Variants in SND1 observed in about 807,000 individuals in gnomAD.
SND1 encodes the protein staphylococcal nuclease domain-containing protein 1.
A neutral mutation model predicts 121.7 loss-of-function variants in SND1; 38 were observed. That is an observed-to-expected ratio of 0.31 (90% CI 0.24 to 0.41). The LOEUF is 0.41. Among genes scored for constraint, SND1 ranks in the 10% least tolerant of loss-of-function variants. SND1 has a pLI of 1.00. For synonymous variants in SND1, 401 were observed against 447.4 expected, an observed-to-expected ratio of 0.90 and a Z score of 1.31; for missense variants, 868 against 1,184.6, an observed-to-expected ratio of 0.73 and a Z score of 3.92.
intron 10 of SND1, among the ~76,000 whole-genome samples, chr7:127,799,559 G>T (rs1169288943): frequency 6.6e-6 from 1 of 152,102 alleles, no homozygotes; most frequent in Non-Finnish European, 1.5e-5. Context: ...AACACTTAAG[G>T]GAGGTAGTTA....
intron 9 of SND1, 135 bp from the exon 10 acceptor site, chr7:127,721,152 C>A (rs745604303): frequency 1.3e-4 from 69 of 526,628 alleles, no homozygotes; most frequent in Non-Finnish European, 2.1e-4. Flanking sequence ...ATTGTTGCAC[C>A]ATGAAGGATG....
At chr7:127,799,617 G>A (rs919390069) in intron 10 of SND1, among the ~76,000 whole-genome samples, 2 of 152,262 alleles carry the variant, frequency 1.3e-5, no homozygotes, top group Admixed American at 6.5e-5. Flanking sequence ...ATTTTATCAC[G>A]TAGATTCCAG....
intron 16 of SND1, among the ~76,000 whole-genome samples, chr7:128,032,636 C>T (rs1337673965): frequency 6.6e-6 from 1 of 152,046 alleles, no homozygotes; most frequent in East Asian, 1.9e-4. Context: ...GCCTCTCGCC[C>T]GGCCCGCGTC....
chr7:127,759,717 G>T (rs1797267320), intron 10 of SND1, among the ~76,000 whole-genome samples: 1 of 152,064 alleles, frequency 6.6e-6, no homozygotes, highest in African/African-American at 2.4e-5. Context: ...ATGTATTTCT[G>T]TAACTCCATA....
intron 1 of SND1, among the ~76,000 whole-genome samples, chr7:127,672,669 G>A (rs139505746): frequency 4.0e-5 from 6 of 151,260 alleles, no homozygotes; most frequent in African/African-American, 7.3e-5. Context: ...CCATCCAACC[G>A]GCAAACTCCC....
chr7:128,071,117 G>A (rs949051886), intron 16 of SND1, among the ~76,000 whole-genome samples: 11 of 152,184 alleles, frequency 7.2e-5, no homozygotes, highest in Admixed American at 6.5e-4. Flanking sequence ...GCTGTCTAGT[G>A]TTCCTGAGTG....
rs955146726 is a variant in SND1 at position 128,081,778 on chromosome 7, T to A, written c.2110+277T>A. The A allele has an allele frequency of 4.9e-6, 3 of 618,452 alleles. No homozygotes were observed. In the African/African-American group the frequency reaches 5.5e-5, roughly 11 times the overall value. 38.3% of individuals were successfully genotyped at this position (618,452 alleles called of 1,614,324 possible). ...TCTGGACGCAGGTGAGATAACCAGG[T>A]TTATCTGGGTGGAGCTCTGAGTCTC... On this transcript the variant is annotated intron_variant, in intron 18 of 23. Transcript: ENST00000354725.
chr7:128,085,895 G>A lies in SND1; in HGVS notation c.2304+115G>A. On this transcript the variant is annotated intron_variant, in intron 20 of 23. Coordinates refer to ENST00000354725, the MANE Select transcript of SND1 (RefSeq NM_014390.4). The surrounding 1 kb of genome is among the most constrained non-coding windows in gnomAD (Gnocchi z 4.4). The stretch of plus-strand genomic sequence containing the variant: ...GCTTACCAATAGAACAATGAGCATT[G>A]GGGCATCTCTGCTGTGCGTGTAACA... 1.1e-6 allele frequency: 1 copy of A among 906,820 alleles called. No homozygotes were observed. The highest frequency in any genetic ancestry group is 1.9e-5 in the Admixed American group (1 of 51,764). 56.2% of individuals were successfully genotyped at this position (906,820 alleles called of 1,614,324 possible). A position where few individuals can be genotyped will look rare whatever the true frequency, so the allele number is the denominator to read the frequency against.
intron 1 of SND1, among the ~76,000 whole-genome samples, chr7:127,655,845 T>C (rs558144353): frequency 2.0e-5 from 3 of 152,196 alleles, no homozygotes; most frequent in African/African-American, 4.8e-5. Context: ...TGGGTATGTT[T>C]ACATGTCTTG....
At chr7:127,719,037 A>G (rs1796443337) in intron 9 of SND1, among the ~76,000 whole-genome samples, 3 of 152,264 alleles carry the variant, frequency 2.0e-5, no homozygotes, top group South Asian at 2.1e-4. Flanking sequence ...GATTTGCTAT[A>G]GTAGCTATTT....
At chr7:127,772,923 T>A (rs1797542635) in intron 10 of SND1, among the ~76,000 whole-genome samples, 1 of 152,254 alleles carries the variant, frequency 6.6e-6, no homozygotes, top group Admixed American at 6.5e-5. Flanking sequence ...TATATTTCAC[T>A]TTCTAATAAT....
chr7:127,869,099 C>T (rs1042985720), intron 12 of SND1, among the ~76,000 whole-genome samples: 3 of 151,922 alleles, frequency 2.0e-5, no homozygotes, highest in Admixed American at 6.6e-5. Flanking sequence ...TCCAGGGTTA[C>T]GAGGGGGAAA....
intron 11 of SND1, among the ~76,000 whole-genome samples, chr7:127,825,204 G>T (rs569053934): frequency 6.6e-6 from 1 of 152,018 alleles, no homozygotes; most frequent in African/African-American, 2.4e-5. Flanking sequence ...TCCGCCTCCC[G>T]GGTTCAAGTG....
chr7:127,778,201 A>ATTTT (rs1797655126), intron 10 of SND1, among the ~76,000 whole-genome samples: 1 of 151,074 alleles, frequency 6.6e-6, no homozygotes, highest in African/African-American at 2.4e-5. Flanking sequence ...TTATTTATTT[A>ATTTT]TTTATTTATT....
intron 12 of SND1, among the ~76,000 whole-genome samples, chr7:127,885,852 G>C (rs759887437): frequency 4.6e-5 from 7 of 151,932 alleles, no homozygotes; most frequent in Non-Finnish European, 8.8e-5. Flanking sequence ...TTGTTTTCTT[G>C]GCATTTAAAA....
chr7:128,069,605 C>T (rs1360899055), intron 16 of SND1, among the ~76,000 whole-genome samples: 1 of 152,162 alleles, frequency 6.6e-6, no homozygotes. Context: ...AGAATGAAGA[C>T]ATTTAGAAAT....
chr7:127,686,801 A>C, intron 2 of SND1, 39 bp downstream of exon 2: 1 of 1,592,320 alleles, frequency 6.3e-7, no homozygotes, highest in Non-Finnish European at 8.6e-7. Flanking sequence ...CTGTGGACCT[A>C]GGTAATAGCC....
chr7:127,796,890 C>CTTTTTT (rs36078891), intron 10 of SND1, among the ~76,000 whole-genome samples: 20 of 102,080 alleles, frequency 2.0e-4, no homozygotes, highest in East Asian at 3.3e-4. Context: ...TTTCCTGAGT[C>CTTTTTT]TTTTTTTTTT....
intron 13 of SND1, among the ~76,000 whole-genome samples, chr7:127,889,626 AT>A (rs71522260): frequency 0.25 from 36,621 of 147,626 alleles, 4,750 homozygotes; most frequent in Middle Eastern, 0.33. Context: ...CTTTCAAGCT[AT>A]TTTTTTTTTT....
Sources: allele counts gnomAD v4.1 joint callset (sites outside exome capture counted in the v4.1 genomes callset), GRCh38; gene constraint gnomAD v4.1.1; non-coding constraint Gnocchi (gnomAD v3.1); transcripts MANE v1.5; gene names NCBI Gene and HGNC (gene_info 2026-07-23, HGNC 2026-07-21).